The following FSCN2 variants were observed in gnomAD, a reference collection of about 807,000 sequenced individuals.
FSCN2 encodes fascin-2.
In FSCN2, 46 loss-of-function variants were observed where a neutral mutation model predicts 37.8. The observed-to-expected ratio is 1.22, with a 90% CI of 0.96 to 1.56. The LOEUF (loss-of-function observed/expected upper bound fraction) is 1.56. FSCN2 is among the 40% of genes most tolerant of loss of function. The probability of loss-of-function intolerance (pLI) is 0.00; values close to 1 mark genes in which losing one functional copy is unlikely to be tolerated. For missense variants in FSCN2, 844 were observed against 730.4 expected, an observed-to-expected ratio of 1.16 and a Z score of -1.79; for synonymous variants, 351 against 309.4, an observed-to-expected ratio of 1.13 and a Z score of -1.41.
At chr17:81,525,313 C>G (rs1234206346), upstream of FSCN2, among the ~76,000 whole-genome samples, 2 of 151,252 alleles carry the variant, frequency 1.3e-5, no homozygotes, top group Non-Finnish European at 2.9e-5. Flanking sequence ...GTAGTCCCAG[C>G]TACTTGGGAG....
chr17:81,531,297 ATGG>A (rs1568077052), intron 1 of FSCN2, among the ~76,000 whole-genome samples: 2 of 44,384 alleles, frequency 4.5e-5, no homozygotes, highest in African/African-American at 1.1e-4. Context: ...GATGGTGGTG[ATGG>A]TGATGGTGGT....
At chr17:81,520,429 G>A in the FSCN2 span, among the ~76,000 whole-genome samples, 8 of 152,316 alleles carry the variant, frequency 5.3e-5, no homozygotes, top group African/African-American at 1.9e-4. Context: ...CACACCTTGG[G>A]CTCTCTTGAA....
Position 81,536,747 on chromosome 17 carries a change from G to T in FSCN2, c.1231G>T (p.Val411Phe), listed in dbSNP as rs772146268. 7 of 1,610,092 alleles carry T rather than the reference G, an allele frequency of 4.3e-6. No homozygotes were observed. The highest frequency in any genetic ancestry group is 1.7e-5 in the Admixed American group (1 of 59,784). Residue 411 changes from valine to phenylalanine, a missense_variant, in exon 4 of 5, where the codon GTC becomes TTC. Physicochemically the swap from Val to Phe is conservative, Grantham distance 50. Coordinates refer to ENST00000417245, the MANE Select transcript of FSCN2 (RefSeq NM_012418.4). ...QLDTNRSVYD[V>F]FHLSFSDGAY... ...GGACACCAACCGCTCCGTCTACGACGTCTTCCACCTGAGCTTCAGCGACGG... is the reference window on the plus strand; with the variant it reads ...GGACACCAACCGCTCCGTCTACGACTTCTTCCACCTGAGCTTCAGCGACGG...
the FSCN2 span, among the ~76,000 whole-genome samples, chr17:81,515,308 C>T: frequency 2.6e-5 from 4 of 152,152 alleles, no homozygotes; most frequent in South Asian, 8.3e-4. Context: ...CGGAGAGGGC[C>T]GGGCAGCTGG....
At chr17:81,525,025 T>C (rs1555669896), upstream of FSCN2, among the ~76,000 whole-genome samples, 1 of 151,728 alleles carries the variant, frequency 6.6e-6, no homozygotes, top group African/African-American at 2.4e-5. Context: ...GAGGCCAAGG[T>C]GGGAGGATCG....
chr17:81,517,760 G>C, the FSCN2 span, among the ~76,000 whole-genome samples: 4 of 113,186 alleles, frequency 3.5e-5, no homozygotes, highest in Non-Finnish European at 5.8e-5. Flanking sequence ...AGCTCCGGCC[G>C]CCCCCCCCCC....
the FSCN2 span, among the ~76,000 whole-genome samples, chr17:81,520,139 G>C: frequency 6.6e-6 from 1 of 152,210 alleles, no homozygotes; most frequent in Non-Finnish European, 1.5e-5. Flanking sequence ...TTTGCGGCTG[G>C]GCTGGCTCCG....
In FSCN2 at chr17:81,528,564, G is replaced by A. The variant is rs782361759; in HGVS notation, c.33G>A (p.Lys11=). ...CGAACGGCCTGCACCAGGTGCTGAA[G>A]ATCCAGTTTGGCCTCGTCAACGACA... MPTNGLHQVL[K]IQFGLVNDTD... is the part of the protein sequence containing the mutation. The change falls in exon 1 of 5, where the codon AAG becomes AAA. Residue 11 remains lysine, a synonymous_variant. Transcript: ENST00000417245. 13 of 1,606,714 alleles carry A rather than the reference G, an allele frequency of 8.1e-6. No homozygotes were observed. The Admixed American group carries it at 1.2e-4, about 15-fold the overall frequency.
Position 81,536,859 on chromosome 17 carries a change from C to G in FSCN2, c.1274-16C>G. 6.4e-7 allele frequency: 1 copy of G among 1,557,034 alleles called. No homozygotes were observed. Among genetic ancestry groups the G allele is most frequent in the Non-Finnish European group, 8.7e-7 (1 of 1,150,854 alleles). On this transcript the variant is annotated splice_polypyrimidine_tract_variant and intron_variant, in intron 4 of 4. Transcript: ENST00000417245. ...GGGCAGGTGGGCACCCCCGCCGACG[C>G]CGTCCCGTCCCCCAGGCCGCGACGG... is the stretch of plus-strand genomic sequence containing the variant.
At chr17:81,516,380 T>C in the FSCN2 span, among the ~76,000 whole-genome samples, 2 of 152,170 alleles carry the variant, frequency 1.3e-5, no homozygotes, top group Non-Finnish European at 2.9e-5. Context: ...AGTTTAAAGT[T>C]CTCCCATAAT....
chr17:81,533,947 G>A (rs369855308), intron 1 of FSCN2, among the ~76,000 whole-genome samples: 81 of 152,236 alleles, frequency 5.3e-4, no homozygotes, highest in African/African-American at 1.8e-3. Context: ...CCCCTCCTGC[G>A]GGCTCCTGCT....
In FSCN2 at chr17:81,537,041, T is replaced by C. The variant is rs1199740296; in HGVS notation, c.1440T>C (p.Asp480=). The stretch of plus-strand genomic sequence containing the variant: ...GCGCCTCGGGCCTGCTGCGGGCCGA[T>C]GCCGACGCCCCGGCCGGGACCGCGC... ...RGGASGLLRA[D]ADAPAGTALW... Residue 480 remains aspartate (D), a synonymous_variant, in exon 5 of 5, where the codon GAT becomes GAC. Transcript: ENST00000417245. 1.4e-6 allele frequency: 2 copies of C among 1,477,998 alleles called. No homozygotes were observed. The highest frequency in any genetic ancestry group is 1.8e-6 in the Non-Finnish European group (2 of 1,121,710). The allele number at this position is 1,477,998 out of a possible 1,614,324, so 91.6% of individuals were successfully genotyped here.
chr17:81,532,515 ACGATGG>A (rs1233041252), intron 1 of FSCN2, among the ~76,000 whole-genome samples: 13 of 39,520 alleles, frequency 3.3e-4, no homozygotes, highest in African/African-American at 2.5e-3. Context: ...GATAATGGTG[ACGATGG>A]TGATGATGAT....
At chr17:81,533,133 C>T (rs2032752242) in intron 1 of FSCN2, among the ~76,000 whole-genome samples, 1 of 152,188 alleles carries the variant, frequency 6.6e-6, no homozygotes. Context: ...TGTGGAGTGG[C>T]TACATGGCAG....
At chr17:81,523,458 G>C (rs1431422915), upstream of FSCN2, among the ~76,000 whole-genome samples, 1 of 152,242 alleles carries the variant, frequency 6.6e-6, no homozygotes, top group Non-Finnish European at 1.5e-5. Flanking sequence ...AGGTCGCCAG[G>C]CTGCAGGTCT....
At chr17:81,524,893 TCA>T (rs138139508), upstream of FSCN2, among the ~76,000 whole-genome samples, 900 of 122,814 alleles carry the variant, frequency 7.3e-3, 3 homozygotes, top group African/African-American at 0.023. Flanking sequence ...ATGAGCACCT[TCA>T]CACACACACA....
At chr17:81,526,891 G>A (rs116396196), upstream of FSCN2, among the ~76,000 whole-genome samples, 577 of 152,286 alleles carry the variant, frequency 3.8e-3, 4 homozygotes, top group African/African-American at 0.013. Context: ...TCATAGAGGC[G>A]GATGAGGCCA....
intron 1 of FSCN2, among the ~76,000 whole-genome samples, chr17:81,532,387 C>T (rs796071254): frequency 9.7e-3 from 233 of 23,916 alleles, no homozygotes; most frequent in African/African-American, 0.016. Flanking sequence ...ATAGTGATGG[C>T]GATGATGGTG....
the FSCN2 span, among the ~76,000 whole-genome samples, chr17:81,515,557 C>T: frequency 2.6e-5 from 4 of 152,236 alleles, no homozygotes; most frequent in African/African-American, 9.6e-5. Context: ...GTGGATACGA[C>T]AACAGTGGCC....
Sources: allele counts gnomAD v4.1 joint callset (sites outside exome capture counted in the v4.1 genomes callset), GRCh38; gene constraint gnomAD v4.1.1; transcripts MANE v1.5; gene names NCBI Gene and HGNC (gene_info 2026-07-23, HGNC 2026-07-21).